Variants in SHTN1 observed in about 807,000 individuals in gnomAD.
The protein encoded by SHTN1 is shootin 1, also known as shootin-1.
A neutral mutation model predicts 83.1 loss-of-function variants in SHTN1; 42 were observed. The observed-to-expected ratio is 0.51, with a 90% CI of 0.39 to 0.65. The LOEUF (loss-of-function observed/expected upper bound fraction) is 0.65, where lower values mean the gene tolerates loss of function less well. Among genes scored for constraint, SHTN1 ranks in the 30% least tolerant of loss-of-function variants. The pLI, the probability that SHTN1 is intolerant of heterozygous loss-of-function variation, is 0.00. For missense variants in SHTN1, 622 were observed against 737.8 expected (o/e 0.84, Z 1.82); for synonymous variants, 224 against 247.7 (o/e 0.90, Z 0.90).
At chr10:116,890,169 T>G (rs1252225376) in intron 16 of SHTN1, among the ~76,000 whole-genome samples, 1 of 48 alleles carries the variant, frequency 0.021, no homozygotes, top group Non-Finnish European at 0.071. Flanking sequence ...TGTTCAATTT[T>G]TTTTTCTACT....
intron 1 of SHTN1, among the ~76,000 whole-genome samples, chr10:117,089,945 T>C (rs1853404859): frequency 6.6e-6 from 1 of 152,064 alleles, no homozygotes; most frequent in African/African-American, 2.4e-5. Context: ...GGTGAGGATG[T>C]GGAGAAATTA....
At chr10:116,951,556 G>A (rs376581817) in intron 6 of SHTN1, among the ~76,000 whole-genome samples, 1 of 152,246 alleles carries the variant, frequency 6.6e-6, no homozygotes, top group South Asian at 2.1e-4. Flanking sequence ...GTCATTCACC[G>A]GAAAAGCAAA....
rs558024296 is a variant in SHTN1, at chr10:117,020,218, G to A, written c.-123+28227C>T. Among the ~76,000 whole-genome samples the A allele has an allele frequency of 2.3e-4, 35 of 152,066 alleles. No individual in the cohort carries two copies. The East Asian group carries it at 2.9e-3, about 13-fold the overall frequency. On this transcript the variant is annotated intron_variant, in intron 2 of 17. Transcript: ENST00000392901. ...GAAAAATAGAGAGAAGTCCGGGCAC[G>A]GTGGCTCATGCCTGTAATCCCAGCA...
At chr10:117,097,013 GCACACACACACACATAGACA>G (rs1853511404) in intron 1 of SHTN1, among the ~76,000 whole-genome samples, 1 of 141,658 alleles carries the variant, frequency 7.1e-6, no homozygotes, top group African/African-American at 2.6e-5. Context: ...GCACGCGCGC[GCACACACACACACATAGACA>G]CACACACACA....
intron 9 of SHTN1, among the ~76,000 whole-genome samples, chr10:116,937,627 A>G (rs1849223608): frequency 6.6e-6 from 1 of 151,818 alleles, no homozygotes; most frequent in African/African-American, 2.4e-5. Flanking sequence ...GGTCAATCTG[A>G]TGATTATGTG....
chr10:116,931,163 G>A (rs1036417229), intron 9 of SHTN1, among the ~76,000 whole-genome samples: 1 of 147,670 alleles, frequency 6.8e-6, no homozygotes, highest in Non-Finnish European at 1.5e-5. Flanking sequence ...AAAGGCTTTC[G>A]ATTCAGTAAA....
chr10:117,000,714 T>C (rs1240950932), intron 1 of SHTN1, among the ~76,000 whole-genome samples: 17 of 152,296 alleles, frequency 1.1e-4, no homozygotes, highest in East Asian at 1.9e-4. Flanking sequence ...CCCATTCTGT[T>C]TTGGACTATT....
chr10:116,915,723 C>CA (rs1395372178), intron 12 of SHTN1, among the ~76,000 whole-genome samples: 2 of 152,108 alleles, frequency 1.3e-5, no homozygotes, highest in African/African-American at 4.8e-5. Flanking sequence ...AGCCTGGATC[C>CA]AAGTCAGTAT....
chr10:117,063,684 C>T (rs1231390363), intron 1 of SHTN1, among the ~76,000 whole-genome samples: 2 of 152,120 alleles, frequency 1.3e-5, no homozygotes, highest in African/African-American at 4.8e-5. Flanking sequence ...ACCCCCAGGC[C>T]TCATCTACTG....
intron 12 of SHTN1, among the ~76,000 whole-genome samples, chr10:116,917,148 A>G (rs536891969): frequency 1.3e-5 from 2 of 152,270 alleles, no homozygotes; most frequent in South Asian, 2.1e-4. Flanking sequence ...CATTCATTCA[A>G]TCATTCATTC....
rs143930454 is a variant in SHTN1, at chr10:117,014,787, C to T, written c.-123+33658G>A. Among the ~76,000 whole-genome samples the T allele has an allele frequency of 9.2e-5, 14 of 152,062 alleles. No individual in the cohort carries two copies. The East Asian group carries it at 2.5e-3, about 27-fold the overall frequency. ...AAACTTATTCAGTGAAAGATTAGAA[C>T]AAAAATAGGAACCTAATTTTAAAAT... is the stretch of plus-strand genomic sequence containing the variant. On this transcript the variant is annotated intron_variant, in intron 2 of 17. Transcript: ENST00000392901.
chr10:116,881,985 C>T lies in SHTN1; in HGVS notation c.*4359G>A, dbSNP rs780510877. On this transcript the variant is annotated 3_prime_UTR_variant, in exon 17 of 17. Transcript: ENST00000355371. ...GCCAACTCCACACTCAGTCAAACAC[C>T]CCATCCTTTACCAATCAGAATATCT... 9.1e-6 allele frequency: 2 copies of T among 220,722 alleles called. No individual in the cohort carries two copies. Among genetic ancestry groups the T allele is most frequent in the Non-Finnish European group, 1.8e-5 (2 of 113,514 alleles). The allele number at this position is 220,722 out of a possible 1,614,324, so 13.7% of individuals were successfully genotyped here.
chr10:116,995,517 T>C (rs1156506806), intron 1 of SHTN1, among the ~76,000 whole-genome samples: 1 of 152,178 alleles, frequency 6.6e-6, no homozygotes, highest in Non-Finnish European at 1.5e-5. Flanking sequence ...TGGTAAAGTA[T>C]ACTTTTGCAA....
chr10:116,982,365 C>G (rs1851056416), intron 1 of SHTN1, among the ~76,000 whole-genome samples: 1 of 152,118 alleles, frequency 6.6e-6, no homozygotes, highest in Non-Finnish European at 1.5e-5. Context: ...GAGAATAATT[C>G]AACCCCTTGC....
At chr10:117,010,350 C>T (rs1852085586), upstream of SHTN1, among the ~76,000 whole-genome samples, 1 of 151,688 alleles carries the variant, frequency 6.6e-6, no homozygotes, top group Non-Finnish European at 1.5e-5. Flanking sequence ...CACAAGTCAC[C>T]TAAACTAACT....
In SHTN1 at chr10:116,893,729, C is replaced by A. The variant is rs1847420670; in HGVS notation, c.1674-7163G>T. 2.0e-5 allele frequency among the ~76,000 whole-genome samples: 3 copies of A among 152,078 alleles called. No homozygotes were observed. In the South Asian group the frequency reaches 6.2e-4, roughly 32 times the overall value. On this transcript the variant is annotated intron_variant, in intron 16 of 16. Coordinates refer to ENST00000355371, the MANE Select transcript of SHTN1 (RefSeq NM_001127211.3). Reference sequence around the variant, plus strand: ...TAGTCTCCATTTGAACAAAACATGACCCCAAACCTCTCTTAAGGAATGGTT... The same window carrying A: ...TAGTCTCCATTTGAACAAAACATGAACCCAAACCTCTCTTAAGGAATGGTT...
Position 117,077,922 on chromosome 10 carries a change from C to T in SHTN1, c.-188-29412G>A, listed in dbSNP as rs1237193454. Among the ~76,000 whole-genome samples the T allele has an allele frequency of 2.6e-5, 4 of 152,166 alleles. No homozygotes were observed. In the East Asian group the frequency reaches 7.7e-4, roughly 29 times the overall value. On this transcript the variant is annotated intron_variant, in intron 1 of 17. Transcript: ENST00000392901. ...TAAATCAGCAGTTTACAATGGGTAA[C>T]TCATTTTAAGAAGAGACGCAGCAGC...
chr10:116,962,808 T>A (rs1441235667), intron 3 of SHTN1, among the ~76,000 whole-genome samples: 1 of 152,124 alleles, frequency 6.6e-6, no homozygotes, highest in African/African-American at 2.4e-5. Context: ...GACATTTTTT[T>A]AAATTGCGCA....
At chr10:117,098,396 CAAAAAA>C (rs11321262) in intron 1 of SHTN1, among the ~76,000 whole-genome samples, 3 of 61,066 alleles carry the variant, frequency 4.9e-5, no homozygotes, top group East Asian at 4.1e-4. Context: ...CACTCCGTCT[CAAAAAA>C]AAAAAAAAAA....
Sources: gnomAD v4.1 joint callset for allele counts (sites outside exome capture counted in the v4.1 genomes callset) on GRCh38, gnomAD v4.1.1 for gene constraint, MANE v1.5 for transcripts, NCBI Gene and HGNC (gene_info 2026-07-23, HGNC 2026-07-21) for gene names.